NBEA: variants seen among roughly 807,000 people sequenced by gnomAD.
The protein encoded by NBEA is lysosomal-trafficking regulator 2.
Under a neutral mutation model 343.4 loss-of-function variants are expected in NBEA, and 44 were observed. That is an observed-to-expected ratio of 0.13 (90% confidence interval 0.10 to 0.16). The LOEUF (loss-of-function observed/expected upper bound fraction) is 0.16. NBEA is among the 10% of genes least tolerant of loss of function. The pLI is 1.00. For missense variants in NBEA, 2,555 were observed against 3,631.3 expected (o/e 0.70, Z 7.62); for synonymous variants, 1,175 against 1,238.7 (o/e 0.95, Z 1.08).
chr13:35,063,627 A>T (rs942183450), intron 8 of NBEA, among the ~76,000 whole-genome samples: 1 of 151,982 alleles, frequency 6.6e-6, no homozygotes, highest in African/African-American at 2.4e-5. Context: ...AGTGAGAGGA[A>T]CAGCCATTGA....
chr13:35,512,341 G>A (rs2077307345), intron 41 of NBEA, among the ~76,000 whole-genome samples: 1 of 152,172 alleles, frequency 6.6e-6, no homozygotes, highest in Non-Finnish European at 1.5e-5. Flanking sequence ...CTGTCAACCT[G>A]GACTTTCATG....
intron 36 of NBEA, among the ~76,000 whole-genome samples, chr13:35,344,206 G>A (rs567426610): frequency 1.3e-5 from 2 of 152,026 alleles, no homozygotes; most frequent in South Asian, 4.2e-4. Context: ...AAAGTATTTA[G>A]ACTAAACAAT....
At chr13:34,983,893 A>T (rs2060451197) in intron 1 of NBEA, among the ~76,000 whole-genome samples, 1 of 152,008 alleles carries the variant, frequency 6.6e-6, no homozygotes, top group Non-Finnish European at 1.5e-5. Flanking sequence ...AATTTGTTTA[A>T]GTTCTTTGTA....
At chr13:35,313,540 G>A (rs1475733793) in intron 36 of NBEA, among the ~76,000 whole-genome samples, 1 of 152,112 alleles carries the variant, frequency 6.6e-6, no homozygotes, top group Non-Finnish European at 1.5e-5. Context: ...AGTACTAAAG[G>A]GACCACTGGG....
chr13:35,456,356 A>C (rs2152949118), intron 40 of NBEA, among the ~76,000 whole-genome samples: 1 of 152,178 alleles, frequency 6.6e-6, no homozygotes, highest in African/African-American at 2.4e-5. Flanking sequence ...GCAAATGGCT[A>C]ATATGATTAT....
chr13:35,068,098 G>T (rs2063723027), intron 8 of NBEA, among the ~76,000 whole-genome samples: 1 of 151,946 alleles, frequency 6.6e-6, no homozygotes, highest in Non-Finnish European at 1.5e-5. Flanking sequence ...GGAAAGATAA[G>T]AAAATTTTCT....
chr13:35,518,191 A>G (rs1182861893), intron 41 of NBEA, among the ~76,000 whole-genome samples: 1 of 152,166 alleles, frequency 6.6e-6, no homozygotes, highest in Non-Finnish European at 1.5e-5. Flanking sequence ...CTCTTTTCAT[A>G]TGACATTTCA....
intron 1 of NBEA, among the ~76,000 whole-genome samples, chr13:34,990,269 A>C (rs2060705330): frequency 6.6e-6 from 1 of 151,020 alleles, no homozygotes; most frequent in Admixed American, 6.6e-5. Flanking sequence ...TTTCCCCTTC[A>C]CACTGCTTAG....
rs772811868 is a variant in NBEA, at chr13:34,985,207, C to T, written c.294+42093C>T. 2.2e-4 allele frequency among the ~76,000 whole-genome samples: 33 copies of T among 150,908 alleles called. 3 individuals are homozygous for T. Among genetic ancestry groups the T allele is most frequent in the Non-Finnish European group, 2.2e-4 (15 of 67,352 alleles). Reference sequence around the variant, plus strand: ...AAATAGCTCTTATTATTTTGAGATACGTTCCATTAATACCTATTTTATTGA... The same window carrying T: ...AAATAGCTCTTATTATTTTGAGATATGTTCCATTAATACCTATTTTATTGA... On this transcript the variant is annotated intron_variant, in intron 1 of 58. Coordinates refer to ENST00000379939, the MANE Select transcript of NBEA (RefSeq NM_001385012.1).
At chr13:35,221,827 G>A (rs1285095679) in intron 33 of NBEA, among the ~76,000 whole-genome samples, 1 of 151,980 alleles carries the variant, frequency 6.6e-6, no homozygotes, top group Non-Finnish European at 1.5e-5. Context: ...AGTAGGCTCT[G>A]AGCTCCAAAA....
intron 2 of NBEA, among the ~76,000 whole-genome samples, chr13:35,044,049 T>G (rs1294175923): frequency 1.3e-5 from 2 of 152,140 alleles, no homozygotes; most frequent in Admixed American, 1.3e-4. Context: ...AATCACAATA[T>G]GTAGAGAAAG....
chr13:35,482,097 T>C (rs982702762), intron 41 of NBEA, among the ~76,000 whole-genome samples: 2 of 151,794 alleles, frequency 1.3e-5, no homozygotes, highest in African/African-American at 4.8e-5. Context: ...TAACCTTTCC[T>C]ATTTTTAATT....
intron 33 of NBEA, among the ~76,000 whole-genome samples, chr13:35,231,186 CAG>C (rs563186592): frequency 2.6e-5 from 4 of 152,146 alleles, no homozygotes; most frequent in South Asian, 2.1e-4. Context: ...TAAGAGGAGA[CAG>C]AGTTAAACAG....
intron 18 of NBEA, among the ~76,000 whole-genome samples, chr13:35,152,300 T>C (rs2068840378): frequency 6.6e-6 from 1 of 152,246 alleles, no homozygotes; most frequent in South Asian, 2.1e-4. Context: ...TTTCTCAAAA[T>C]TATAGAATTT....
At chr13:35,413,960 A>G (rs2043743632) in intron 38 of NBEA, among the ~76,000 whole-genome samples, 1 of 152,160 alleles carries the variant, frequency 6.6e-6, no homozygotes, top group Non-Finnish European at 1.5e-5. Flanking sequence ...AAGCTAGCAA[A>G]TCCAAACAGA....
At chr13:35,577,368 T>C (rs1364865950) in intron 45 of NBEA, among the ~76,000 whole-genome samples, 1 of 152,146 alleles carries the variant, frequency 6.6e-6, no homozygotes, top group Non-Finnish European at 1.5e-5. Flanking sequence ...GCATAATGAA[T>C]GCTAAACAGA....
Position 35,171,211 on chromosome 13 carries a change from T to G in NBEA, c.4243-61T>G, listed in dbSNP as rs145357162. The G allele has an allele frequency of 7.8e-4, 954 of 1,219,074 alleles. 3 individuals carry two copies. The African/African-American group carries it at 0.013, about 16-fold the overall frequency. 75.5% of individuals were successfully genotyped at this position (1,219,074 alleles called of 1,614,324 possible). A position where few individuals can be genotyped will look rare whatever the true frequency, so the allele number is the denominator to read the frequency against. ...TGTTCACTTGTAGTATGTATGTATA[T>G]GTATTATATTTCCAAATTTCCAAAT... On this transcript the variant is annotated intron_variant, in intron 25 of 58. Coordinates refer to ENST00000379939, the MANE Select transcript of NBEA (RefSeq NM_001385012.1).
chr13:35,212,000 TACACAC>T lies in NBEA; in HGVS notation c.5648+842_5648+847del, dbSNP rs3048222. Among the ~76,000 whole-genome samples the T allele has an allele frequency of 4.2e-4, 63 of 149,714 alleles. No individual in the cohort carries two copies. In the South Asian group the frequency reaches 4.4e-3, roughly 11 times the overall value. ...CTTGGAGTAAGATTGTGTATACGTG[TACACAC>T]ACACACACACACACACACACGTATG... On this transcript the variant is annotated intron_variant, in intron 33 of 58. Coordinates refer to ENST00000379939, the MANE Select transcript of NBEA (RefSeq NM_001385012.1).
At chr13:35,535,012 A>G (rs1481299206) in intron 41 of NBEA, among the ~76,000 whole-genome samples, 1 of 152,242 alleles carries the variant, frequency 6.6e-6, no homozygotes, top group Non-Finnish European at 1.5e-5. Flanking sequence ...GGGGCATTCC[A>G]GAAATGCAGA....
Sources: allele counts gnomAD v4.1 joint callset (sites outside exome capture counted in the v4.1 genomes callset), GRCh38; gene constraint gnomAD v4.1.1; transcripts MANE v1.5; gene names NCBI Gene and HGNC (gene_info 2026-07-23, HGNC 2026-07-21).